Variants in CNTN5 observed in about 807,000 individuals in gnomAD.
CNTN5 encodes the protein contactin-5.
Under a neutral mutation model 129.1 loss-of-function variants are expected in CNTN5, and 77 were observed. That is an observed-to-expected ratio of 0.60 (90% confidence interval 0.50 to 0.72). The LOEUF (loss-of-function observed/expected upper bound fraction) is 0.72, where lower values mean the gene tolerates loss of function less well. Ranked by LOEUF, CNTN5 falls within the 30% of genes least tolerant of loss-of-function variation. The pLI is 0.00. For missense variants in CNTN5, 1,478 were observed against 1,328.8 expected (o/e 1.11, Z -1.75); for synonymous variants, 509 against 465.6 (o/e 1.09, Z -1.20).
Position 99,977,502 on chromosome 11 carries a change from T to G in CNTN5, c.877+20493T>G, listed in dbSNP as rs751915903. Among the ~76,000 whole-genome samples, 82 of 152,222 alleles carry G rather than the reference T, an allele frequency of 5.4e-4. 1 individual carries two copies. Among genetic ancestry groups the G allele is most frequent in the Non-Finnish European group, 1.9e-4 (13 of 68,038 alleles). ...TATAAATAAAAGAGGTTTAATTGACTGATGGTTCTGCATGGCTGAGAAGGC... is the reference window on the plus strand; with the variant it reads ...TATAAATAAAAGAGGTTTAATTGACGGATGGTTCTGCATGGCTGAGAAGGC... On this transcript the variant is annotated intron_variant, in intron 8 of 24. Coordinates refer to ENST00000524871, the MANE Select transcript of CNTN5 (RefSeq NM_014361.4).
At chr11:100,271,348 C>T in intron 18 of CNTN5, 107 bp downstream of exon 18, 1 of 650,342 alleles carries the variant, frequency 1.5e-6, no homozygotes, top group East Asian at 3.2e-5. Flanking sequence ...ATAATTTGTC[C>T]TGATTCATTT....
At chr11:99,183,289 C>T (rs1175914053) in intron 1 of CNTN5, among the ~76,000 whole-genome samples, 1 of 152,116 alleles carries the variant, frequency 6.6e-6, no homozygotes, top group Non-Finnish European at 1.5e-5. Context: ...TAAAAGAATA[C>T]ATGAAACTTA....
intron 9 of CNTN5, among the ~76,000 whole-genome samples, chr11:100,051,272 A>G (rs1394575394): frequency 6.6e-6 from 1 of 152,116 alleles, no homozygotes; most frequent in East Asian, 1.9e-4. Context: ...TACCCCTAAA[A>G]AAGACTAAAA....
intron 1 of CNTN5, among the ~76,000 whole-genome samples, chr11:99,298,096 G>A (rs2135937790): frequency 1.3e-5 from 2 of 152,190 alleles, no homozygotes; most frequent in Non-Finnish European, 2.9e-5. Context: ...GACCCAAGTG[G>A]GCCCTGTAGG....
chr11:100,224,867 A>G, intron 16 of CNTN5, 55 bp downstream of exon 16: 1 of 1,572,892 alleles, frequency 6.4e-7, no homozygotes, highest in South Asian at 1.1e-5. Flanking sequence ...TTATCATACA[A>G]AGGAATTTAA....
intron 15 of CNTN5, among the ~76,000 whole-genome samples, chr11:100,196,404 T>A (rs1948639816): frequency 2.0e-5 from 3 of 152,038 alleles, no homozygotes; most frequent in Non-Finnish European, 4.4e-5. Context: ...TGGTATCTTT[T>A]ATACACAGAC....
intron 1 of CNTN5, among the ~76,000 whole-genome samples, chr11:99,245,864 T>C (rs1591412105): frequency 6.6e-6 from 1 of 152,162 alleles, no homozygotes; most frequent in Non-Finnish European, 1.5e-5. Context: ...ATTAACTAGA[T>C]GACAGTAGCG....
intron 13 of CNTN5, among the ~76,000 whole-genome samples, chr11:100,129,208 C>T (rs1399786182): frequency 6.6e-6 from 1 of 151,966 alleles, no homozygotes; most frequent in Non-Finnish European, 1.5e-5. Context: ...TGAGAAAATA[C>T]ATTTATATAG....
chr11:99,098,803 AG>A (rs746645050), intron 1 of CNTN5, among the ~76,000 whole-genome samples: 5 of 152,210 alleles, frequency 3.3e-5, no homozygotes, highest in Non-Finnish European at 2.9e-5. Flanking sequence ...AGAGACTAAA[AG>A]GTTTCCACAA....
chr11:99,062,579 G>A (rs1864931070), intron 1 of CNTN5, among the ~76,000 whole-genome samples: 1 of 152,068 alleles, frequency 6.6e-6, no homozygotes, highest in Non-Finnish European at 1.5e-5. Flanking sequence ...AATTGACTAG[G>A]ATAATAAGGG....
intron 2 of CNTN5, among the ~76,000 whole-genome samples, chr11:99,386,761 T>C (rs1271134618): frequency 1.3e-5 from 2 of 152,018 alleles, no homozygotes; most frequent in Non-Finnish European, 2.9e-5. Flanking sequence ...TTCAGTAGTG[T>C]GGAAAAAGGA....
chr11:100,021,457 T>C (rs1452549825), intron 9 of CNTN5, among the ~76,000 whole-genome samples: 1 of 152,202 alleles, frequency 6.6e-6, no homozygotes, highest in Non-Finnish European at 1.5e-5. Flanking sequence ...CTCCTTGCAT[T>C]TCTATCACTT....
intron 3 of CNTN5, among the ~76,000 whole-genome samples, chr11:99,715,550 G>T (rs1955182587): frequency 6.6e-6 from 1 of 151,846 alleles, no homozygotes; most frequent in Admixed American, 6.6e-5. Context: ...CCCAAAGTCT[G>T]TTTTATGGCC....
intron 1 of CNTN5, among the ~76,000 whole-genome samples, chr11:99,304,963 C>T (rs926787837): frequency 6.6e-6 from 1 of 152,178 alleles, no homozygotes; most frequent in Non-Finnish European, 1.5e-5. Context: ...ATAGATATAT[C>T]TGTTAGCCCA....
chr11:99,133,405 TG>T (rs1323413144), intron 1 of CNTN5, among the ~76,000 whole-genome samples: 5 of 150,376 alleles, frequency 3.3e-5, no homozygotes, highest in Non-Finnish European at 7.4e-5. Context: ...AATTGGCAAA[TG>T]GGATCTAATT....
At chr11:99,991,282 A>G (rs1369865733) in intron 8 of CNTN5, among the ~76,000 whole-genome samples, 1 of 152,048 alleles carries the variant, frequency 6.6e-6, no homozygotes, top group Non-Finnish European at 1.5e-5. Flanking sequence ...CCTGACTAAC[A>G]CGGTGAAACC....
In CNTN5 at chr11:100,127,655, T is replaced by C. The variant is rs952828040; in HGVS notation, c.1580+53361T>C. On this transcript the variant is annotated intron_variant, in intron 13 of 24. Coordinates refer to ENST00000524871, the MANE Select transcript of CNTN5 (RefSeq NM_014361.4). ...ACTTTCTGACTTTCTTTCTTTCTTT[T>C]TTTTTTTTTTTTTTTTTTTTGAGAT... Among the ~76,000 whole-genome samples, 19 of 97,638 alleles carry C rather than the reference T, an allele frequency of 1.9e-4. 1 individual carries two copies. The highest frequency in any genetic ancestry group is 3.2e-4 in the Admixed American group (3 of 9,480). The allele number at this position is 97,638 out of a possible 152,430, so 64.1% of individuals were successfully genotyped here. A position where few individuals can be genotyped will look rare whatever the true frequency, so the allele number is the denominator to read the frequency against.
chr11:99,163,710 T>A (rs1345446572), intron 1 of CNTN5, among the ~76,000 whole-genome samples: 1 of 152,228 alleles, frequency 6.6e-6, no homozygotes, highest in Non-Finnish European at 1.5e-5. Flanking sequence ...CAGATTTTAA[T>A]AATCCATATA....
intron 21 of CNTN5, chr11:100,337,467 T>G: frequency 1.3e-6 from 1 of 746,350 alleles, no homozygotes; most frequent in Admixed American, 1.7e-5. Context: ...GATTAAGTCT[T>G]ACCCAAGACC....
Sources: allele counts gnomAD v4.1 joint callset (sites outside exome capture counted in the v4.1 genomes callset), GRCh38; gene constraint gnomAD v4.1.1; transcripts MANE v1.5; gene names NCBI Gene and HGNC (gene_info 2026-07-23, HGNC 2026-07-21).